Variants in TBC1D4 observed in about 807,000 individuals in gnomAD.
The protein encoded by TBC1D4 is TBC (Tre-2, BUB2, CDC16) domain-containing protein.
A neutral mutation model predicts 142.5 loss-of-function variants in TBC1D4; 121 were observed. The ratio of observed to expected loss-of-function variants is 0.85; its 90% CI spans 0.73 to 0.99. The LOEUF is 0.99. TBC1D4 is among the 50% of genes least tolerant of loss of function. The pLI is 0.00. For synonymous variants in TBC1D4, 630 were observed against 628.2 expected (o/e 1.00, Z -0.04); for missense variants, 1,475 against 1,606.6 (o/e 0.92, Z 1.40).
Position 75,324,314 on chromosome 13 carries a change from G to GGA in TBC1D4, c.2119_2120dup (p.Phe708ProfsTer8). On this transcript the variant is annotated frameshift_variant, in exon 11 of 21. Coordinates refer to ENST00000377636, the MANE Select transcript of TBC1D4 (RefSeq NM_014832.5). LOFTEE classifies it high-confidence loss of function. ...TTTTCAGGAAAGAGGGGGCAGTGAA[G>GGA]GAAGGGGCAGAGAAGGAAGTGTGAA... 1.2e-6 allele frequency: 2 copies of GGA among 1,614,026 alleles called. No homozygotes were observed. Among genetic ancestry groups the GGA allele is most frequent in the Non-Finnish European group, 1.7e-6 (2 of 1,179,900 alleles).
intron 1 of TBC1D4, among the ~76,000 whole-genome samples, chr13:75,443,926 T>C (rs1196050389): frequency 6.6e-6 from 1 of 151,728 alleles, no homozygotes. Flanking sequence ...ATAACTTTCA[T>C]AGTCTTCTTA....
intron 9 of TBC1D4, among the ~76,000 whole-genome samples, chr13:75,327,369 T>C (rs1445728888): frequency 6.6e-6 from 1 of 151,732 alleles, no homozygotes; most frequent in African/African-American, 2.4e-5. Context: ...AAGATCCCAG[T>C]GTTGCAGCTA....
intron 8 of TBC1D4, among the ~76,000 whole-genome samples, chr13:75,328,461 TC>T (rs1391395313): frequency 6.6e-6 from 1 of 152,106 alleles, no homozygotes; most frequent in East Asian, 1.9e-4. Flanking sequence ...CAGAAAGAGA[TC>T]TAAGAGATCA....
At chr13:75,328,794 G>A (rs1169850324) in intron 8 of TBC1D4, among the ~76,000 whole-genome samples, 1 of 152,042 alleles carries the variant, frequency 6.6e-6, no homozygotes, top group African/African-American at 2.4e-5. Context: ...AACATTCTTA[G>A]GTTTATTTGG....
At position 75,348,954 on chromosome 13, in the gene TBC1D4, A is replaced by AGAGAGAGTGTGT. The variant is rs969343152; in HGVS notation, c.1408+215_1408+216insACACACTCTCTC. Among the ~76,000 whole-genome samples, 6 of 139,166 alleles carry AGAGAGAGTGTGT rather than the reference A, an allele frequency of 4.3e-5. No individual in the cohort carries two copies. In the South Asian group the frequency reaches 1.2e-3, roughly 29 times the overall value. 91.3% of individuals were successfully genotyped at this position (139,166 alleles called of 152,430 possible). A position where few individuals can be genotyped will look rare whatever the true frequency, so the allele number is the denominator to read the frequency against. On this transcript the variant is annotated intron_variant, in intron 5 of 20. Transcript: ENST00000377636. Reference sequence around the variant, plus strand: ...GGAGAGAGAGTAGAGAGAGAGAGAGAGTGTGTGTGTGTGTGTGTGTGTGTG... The same window carrying AGAGAGAGTGTGT: ...GGAGAGAGAGTAGAGAGAGAGAGAGAGAGAGAGTGTGTGTGTGTGTGTGTGTGTGTGTGTGTG...
At chr13:75,424,535 C>T (rs1886302092) in intron 1 of TBC1D4, among the ~76,000 whole-genome samples, 1 of 151,918 alleles carries the variant, frequency 6.6e-6, no homozygotes, top group South Asian at 2.1e-4. Flanking sequence ...CGTGGAACCA[C>T]AAAAGACCCA....
chr13:75,435,620 A>C (rs1886768407), intron 1 of TBC1D4, among the ~76,000 whole-genome samples: 1 of 152,236 alleles, frequency 6.6e-6, no homozygotes. Flanking sequence ...CCACTGACAG[A>C]TCCTAGAAGC....
intron 1 of TBC1D4, among the ~76,000 whole-genome samples, chr13:75,402,652 TAAACAC>T (rs1885149441): frequency 1.7e-5 from 1 of 59,706 alleles, no homozygotes; most frequent in African/African-American, 5.1e-5. Flanking sequence ...CCATCCCTAG[TAAACAC>T]ACACACACAC....
intron 1 of TBC1D4, among the ~76,000 whole-genome samples, chr13:75,409,660 T>A (rs1885508957): frequency 6.6e-6 from 1 of 152,238 alleles, no homozygotes; most frequent in Admixed American, 6.5e-5. Flanking sequence ...GAATCTTAAA[T>A]ATAATTTTAA....
At chr13:75,347,667 A>T (rs544538475) in intron 5 of TBC1D4, among the ~76,000 whole-genome samples, 1 of 152,156 alleles carries the variant, frequency 6.6e-6, no homozygotes, top group African/African-American at 2.4e-5. Context: ...CCCTTTTGGG[A>T]TGGCTAATTG....
chr13:75,294,168 T>A (rs1171826280), intron 18 of TBC1D4, among the ~76,000 whole-genome samples: 1 of 152,218 alleles, frequency 6.6e-6, no homozygotes, highest in African/African-American at 2.4e-5. Flanking sequence ...GACTTGTGAA[T>A]AGATTTAAGG....
chr13:75,450,748 G>C (rs964472362), intron 1 of TBC1D4, among the ~76,000 whole-genome samples: 2 of 152,266 alleles, frequency 1.3e-5, no homozygotes, highest in Non-Finnish European at 2.9e-5. Flanking sequence ...CCTCCCCAAA[G>C]GTCAGGCTGA....
At chr13:75,301,996 AAATAT>A (rs1876614547) in intron 16 of TBC1D4, among the ~76,000 whole-genome samples, 1 of 152,204 alleles carries the variant, frequency 6.6e-6, no homozygotes, top group African/African-American at 2.4e-5. Flanking sequence ...ATAATAATTT[AAATAT>A]AAGATGGCTC....
intron 18 of TBC1D4, 88 bp downstream of exon 18, chr13:75,294,766 G>A: frequency 7.0e-7 from 1 of 1,426,752 alleles, no homozygotes; most frequent in South Asian, 1.2e-5. Flanking sequence ...ACACATGATA[G>A]AACAATAGGG....
At chr13:75,443,359 T>C (rs1887135635) in intron 1 of TBC1D4, among the ~76,000 whole-genome samples, 1 of 152,214 alleles carries the variant, frequency 6.6e-6, no homozygotes, top group Non-Finnish European at 1.5e-5. Context: ...CCTGAAAGTA[T>C]TCCATACAGC....
chr13:75,426,229 A>G (rs1187732386), intron 1 of TBC1D4, among the ~76,000 whole-genome samples: 1 of 152,190 alleles, frequency 6.6e-6, no homozygotes, highest in Non-Finnish European at 1.5e-5. Context: ...AGCAAAATAC[A>G]ATGAGATACC....
Position 75,481,355 on chromosome 13 carries a change from T to C in TBC1D4, c.413A>G (p.Tyr138Cys), listed in dbSNP as rs201977359. 5 of 1,613,818 alleles carry C rather than the reference T, an allele frequency of 3.1e-6. No homozygotes were observed. Among genetic ancestry groups the C allele is most frequent in the South Asian group, 1.1e-5 (1 of 91,080 alleles). Residue 138 changes from tyrosine (Y) to cysteine (C), a missense_variant, in exon 1 of 21, where the codon TAC becomes TGC. Tyr to Cys is a radical substitution (Grantham distance 194). Coordinates refer to ENST00000377636, the MANE Select transcript of TBC1D4 (RefSeq NM_014832.5). ...RFIHNSHDLT[Y>C]FAYLIKAQPD... The stretch of plus-strand genomic sequence containing the variant: ...CTGCGCCTTGATCAGGTAGGCAAAG[T>C]AGGTGAGGTCGTGGCTGTTGTGGAT...
chr13:75,415,704 G>T (rs1284688226), intron 1 of TBC1D4, among the ~76,000 whole-genome samples: 1 of 152,020 alleles, frequency 6.6e-6, no homozygotes, highest in Non-Finnish European at 1.5e-5. Context: ...TCTTGAAATC[G>T]GAGACATAAA....
intron 11 of TBC1D4, among the ~76,000 whole-genome samples, chr13:75,320,867 CAAAAAA>C (rs148657060): frequency 0.018 from 1,523 of 84,356 alleles, 28 homozygotes; most frequent in African/African-American, 0.069. Context: ...ACTAAAAATA[CAAAAAA>C]AAAAAAAAAA....
Sources: allele counts gnomAD v4.1 joint callset (sites outside exome capture counted in the v4.1 genomes callset), GRCh38; gene constraint gnomAD v4.1.1; transcripts MANE v1.5; gene names NCBI Gene and HGNC (gene_info 2026-07-23, HGNC 2026-07-21).